Variants in NUP85 observed in about 807,000 individuals in gnomAD.
NUP85 encodes the protein nuclear pore complex protein Nup85.
NUP85 carries 23 observed loss-of-function variants against 92.8 expected under a neutral mutation model. The ratio of observed to expected loss-of-function variants is 0.25; its 90% CI spans 0.18 to 0.35. The LOEUF (loss-of-function observed/expected upper bound fraction) is 0.35, where lower values mean the gene tolerates loss of function less well. Among genes scored for constraint, NUP85 ranks in the 10% least tolerant of loss-of-function variants. NUP85 has a pLI of 1.00. For missense variants in NUP85, 759 were observed against 822.8 expected (o/e 0.92, Z 0.95); for synonymous variants, 314 against 306.9 (o/e 1.02, Z -0.24).
At position 75,208,599 on chromosome 17, in the gene NUP85, G is replaced by C. The variant is rs768629522; in HGVS notation, c.106G>C (p.Glu36Gln). Residue 36 changes from glutamate to glutamine, a missense_variant, in exon 2 of 19, where the codon GAA (glutamate) becomes CAA (glutamine). Physicochemically the swap from Glu to Gln is conservative, Grantham distance 29. Coordinates refer to ENST00000245544, the MANE Select transcript of NUP85 (RefSeq NM_024844.5). Reference sequence around the variant, plus strand: ...GGGTCCAGGGGAGATGCTGGTATGTGAAACCTCCTTCAACAAAAAAGGTAG... The same window carrying C: ...GGGTCCAGGGGAGATGCTGGTATGTCAAACCTCCTTCAACAAAAAAGGTAG... ...DWGPGEMLVC[E>Q]TSFNKKEKSE... 23 of 1,601,178 alleles carry C rather than the reference G, an allele frequency of 1.4e-5. No individual in the cohort carries two copies. Among genetic ancestry groups the C allele is most frequent in the Non-Finnish European group, 4.3e-6 (5 of 1,169,472 alleles).
At chr17:75,222,022 CGTGTGT>C (rs3047551) in intron 7 of NUP85, among the ~76,000 whole-genome samples, 1 of 132,304 alleles carries the variant, frequency 7.6e-6, no homozygotes, top group Non-Finnish European at 1.7e-5. Context: ...ATGTTTCTCT[CGTGTGT>C]GTGTGTGTTT....
intron 11 of NUP85, chr17:75,228,989 G>A: frequency 1.0e-6 from 1 of 985,446 alleles, no homozygotes; most frequent in South Asian, 4.7e-5. Context: ...CTTCCCTCCT[G>A]GCTTACAGCT....
chr17:75,215,875 T>C, intron 6 of NUP85, 52 bp downstream of exon 6: 1 of 1,450,982 alleles, frequency 6.9e-7, no homozygotes, highest in Non-Finnish European at 9.7e-7. Context: ...TTCCATCTTC[T>C]GCTCTTTCCT....
chr17:75,227,043 T>C (rs1054564902), intron 11 of NUP85: 6 of 188,540 alleles, frequency 3.2e-5, no homozygotes, highest in Non-Finnish European at 6.7e-5. Flanking sequence ...TCTCCATATA[T>C]GGTAAGTCAG....
At chr17:75,224,863 A>G (rs953689228) in intron 7 of NUP85, among the ~76,000 whole-genome samples, 6 of 152,064 alleles carry the variant, frequency 3.9e-5, no homozygotes, top group African/African-American at 1.4e-4. Flanking sequence ...ACAGGCTATA[A>G]TGGACTACAG....
chr17:75,212,003 T>C lies in NUP85; in HGVS notation c.302T>C (p.Val101Ala), dbSNP rs1208185980. The C allele has an allele frequency of 1.9e-6, 3 of 1,612,982 alleles. No homozygotes were observed. Among genetic ancestry groups the C allele is most frequent in the Non-Finnish European group, 2.5e-6 (3 of 1,179,564 alleles). Residue 101 changes from valine to alanine, a missense_variant, in exon 4 of 19, where the codon GTG becomes GCG. Physicochemically the swap from Val to Ala is moderately conservative, Grantham distance 64. Coordinates refer to ENST00000245544, the MANE Select transcript of NUP85 (RefSeq NM_024844.5). ...GKSRKSQLVR[V>A]SKNYRSVIRA... is the part of the protein sequence containing the mutation. ...TTCATTTTTTGTAGATTGGTTCGAG[T>C]GAGTAAAAACTACCGATCAGTCATC...
intron 18 of NUP85, 54 bp from the exon 19 acceptor site, chr17:75,235,524 T>G (rs1330428613): frequency 1.6e-6 from 2 of 1,289,582 alleles, no homozygotes; most frequent in African/African-American, 2.9e-5. Flanking sequence ...CCTTCGGGAG[T>G]GTGAAAGGGC....
intron 16 of NUP85, among the ~76,000 whole-genome samples, chr17:75,233,602 T>C (rs933195241): frequency 6.6e-6 from 1 of 151,060 alleles, no homozygotes; most frequent in African/African-American, 2.4e-5. Flanking sequence ...TTGTATTTTA[T>C]TTATTTATTT....
rs770402782 is a variant in NUP85 at position 75,234,926 on chromosome 17, G to A, written c.1767+138G>A. The stretch of plus-strand genomic sequence containing the variant: ...TGTATTCCCCTTAGCGCCCTCTCTG[G>A]GATTCCAGACTCACACAGGAAACAA... On this transcript the variant is annotated intron_variant, in intron 17 of 18. Coordinates refer to ENST00000245544, the MANE Select transcript of NUP85 (RefSeq NM_024844.5). 4.9e-5 allele frequency: 58 copies of A among 1,173,220 alleles called. No individual in the cohort carries two copies. The South Asian group carries it at 7.1e-4, about 14-fold the overall frequency. The allele number at this position is 1,173,220 out of a possible 1,614,324, so 72.7% of individuals were successfully genotyped here.
chr17:75,205,830 G>A (rs1235117355), intron 1 of NUP85, 36 bp downstream of exon 1: 1 of 1,612,878 alleles, frequency 6.2e-7, no homozygotes, highest in Non-Finnish European at 8.5e-7. Context: ...TCGTCCTTGC[G>A]GGTTGAGAAC....
At chr17:75,213,198 C>T in intron 5 of NUP85, 79 bp downstream of exon 5, 1 of 1,234,378 alleles carries the variant, frequency 8.1e-7, no homozygotes, top group African/African-American at 1.5e-5. Context: ...CTTTGCAGTT[C>T]CTGTTATGGC....
intron 11 of NUP85, among the ~76,000 whole-genome samples, chr17:75,230,664 CAT>C (rs1429668098): frequency 1.3e-5 from 2 of 152,114 alleles, no homozygotes; most frequent in Non-Finnish European, 2.9e-5. Context: ...CGGCCAACAA[CAT>C]GTTTTGATAG....
chr17:75,209,822 G>T lies in NUP85; in HGVS notation c.128-1G>T, dbSNP rs2075202961. On this transcript the variant is annotated splice_acceptor_variant, in intron 2 of 18. Transcript: ENST00000245544. LOFTEE classifies it high-confidence loss of function. ...AATTTTTTTTTTCTGTTTGGTTTCA[G>T]AAAAATCAGAGATGGTGCCAAGTTG... 1 of 1,573,780 alleles carries T rather than the reference G, an allele frequency of 6.4e-7. No individual in the cohort carries two copies.
Position 75,210,981 on chromosome 17 carries a change from G to A in NUP85, c.290+996G>A, listed in dbSNP as rs572773748. ...CTCCCAAAGTGCTGGGATTACAGAC[G>A]TGAGCCACTGTGCCTGGCCCTGTTT... is the stretch of plus-strand genomic sequence containing the variant. On this transcript the variant is annotated intron_variant, in intron 3 of 18. Coordinates refer to ENST00000245544, the MANE Select transcript of NUP85 (RefSeq NM_024844.5). Among the ~76,000 whole-genome samples the A allele has an allele frequency of 1.8e-4, 25 of 141,850 alleles. 1 individual carries two copies. In the South Asian group the frequency reaches 2.0e-3, roughly 12 times the overall value. The allele number at this position is 141,850 out of a possible 152,430, so 93.1% of individuals were successfully genotyped here.
chr17:75,221,320 G>T (rs1194095135), intron 7 of NUP85, among the ~76,000 whole-genome samples: 3 of 151,870 alleles, frequency 2.0e-5, no homozygotes, highest in African/African-American at 7.3e-5. Context: ...TTTATTTTTA[G>T]TAGAGATGGG....
At chr17:75,229,965 C>T (rs1283641717) in intron 11 of NUP85, among the ~76,000 whole-genome samples, 1 of 152,116 alleles carries the variant, frequency 6.6e-6, no homozygotes, top group East Asian at 1.9e-4. Context: ...TCCCCTGGCC[C>T]AGCCCACTCC....
chr17:75,220,668 AC>A (rs2075571788), intron 7 of NUP85, among the ~76,000 whole-genome samples: 1 of 150,710 alleles, frequency 6.6e-6, no homozygotes, highest in Non-Finnish European at 1.5e-5. Context: ...GTTCACTGCA[AC>A]CTCTGCCTCC....
chr17:75,220,878 A>ATTTTTTT (rs71159457), intron 7 of NUP85, among the ~76,000 whole-genome samples: 2 of 97,562 alleles, frequency 2.0e-5, no homozygotes, highest in Non-Finnish European at 1.9e-5. Flanking sequence ...CACCATCCCA[A>ATTTTTTT]TTTTTTTTTT....
chr17:75,211,273 G>C (rs1174545471), intron 3 of NUP85, among the ~76,000 whole-genome samples: 1 of 152,016 alleles, frequency 6.6e-6, no homozygotes, highest in Non-Finnish European at 1.5e-5. Flanking sequence ...AAAGTGCTGG[G>C]ATTATAGGAG....
Sources: allele counts gnomAD v4.1 joint callset (sites outside exome capture counted in the v4.1 genomes callset), GRCh38; gene constraint gnomAD v4.1.1; transcripts MANE v1.5; gene names NCBI Gene and HGNC (gene_info 2026-07-23, HGNC 2026-07-21).